The following JAG2 variants were observed in gnomAD, a reference collection of about 807,000 sequenced individuals.
JAG2 encodes protein jagged-2.
In JAG2, 46 loss-of-function variants were observed where a neutral mutation model predicts 141.7. The ratio of observed to expected loss-of-function variants is 0.32; its 90% CI spans 0.26 to 0.42. JAG2 has a LOEUF of 0.42. JAG2 is among the 10% of genes least tolerant of loss of function. The pLI is 1.00. For missense variants in JAG2, 1,500 were observed against 1,817.5 expected (o/e 0.83, Z 3.18); for synonymous variants, 862 against 763.5 (o/e 1.13, Z -2.13).
At chr14:105,143,227 T>C (rs1367397826) in intron 25 of JAG2, 57 bp from the exon 26 acceptor site, 1 of 1,540,498 alleles carries the variant, frequency 6.5e-7, no homozygotes, top group Non-Finnish European at 8.8e-7. Flanking sequence ...TGCGGGGCAC[T>C]AGCCACACAC....
At chr14:105,157,901 C>T in intron 2 of JAG2, 138 bp from the exon 3 acceptor site, 1 of 774,342 alleles carries the variant, frequency 1.3e-6, no homozygotes, top group South Asian at 1.5e-5. Flanking sequence ...AGGGACCCAC[C>T]ACCCTCCTCA....
chr14:105,163,199 C>A (rs1312855216), intron 2 of JAG2, among the ~76,000 whole-genome samples: 1 of 152,236 alleles, frequency 6.6e-6, no homozygotes, highest in Non-Finnish European at 1.5e-5. Context: ...TTTCCTGAAA[C>A]CTGAGCTTCT....
Position 105,146,614 on chromosome 14 carries a change from C to T in JAG2, c.2590G>A (p.Glu864Lys). ...AGGGCAATCACACGGGGCCTACCTT[C>T]CTGGCACCGGGGGCCGGCTCGGCCG... ...PPGRAGPRCQ[E>K]VIGFGRSCWS... is the part of the protein sequence containing the mutation. The change falls in exon 21 of 26, where the codon GAA becomes AAA. Residue 864 changes from glutamate to lysine, a missense_variant. Coordinates refer to ENST00000331782, the MANE Select transcript of JAG2 (RefSeq NM_002226.5). 6.2e-7 allele frequency: 1 copy of T among 1,612,234 alleles called. No individual in the cohort carries two copies.
At chr14:105,143,249 AG>A in intron 25 of JAG2, 79 bp from the exon 26 acceptor site, 1 of 1,497,506 alleles carries the variant, frequency 6.7e-7, no homozygotes. Context: ...CAGGCCTGGG[AG>A]GGCCCTGCGG....
At chr14:105,156,098 C>T in intron 3 of JAG2, 109 bp from the exon 4 acceptor site, 1 of 1,399,860 alleles carries the variant, frequency 7.1e-7, no homozygotes, top group Non-Finnish European at 9.7e-7. Flanking sequence ...AAGGCCGGGG[C>T]ACAGCAGGCA....
chr14:105,146,075 G>C, intron 22 of JAG2, 102 bp from the exon 23 acceptor site: 1 of 1,514,826 alleles, frequency 6.6e-7, no homozygotes, highest in Non-Finnish European at 8.9e-7. Flanking sequence ...CCATGCCAAG[G>C]AGGGACACCG....
At chr14:105,145,086 G>C (rs1566759256) in intron 23 of JAG2, 25 bp from the exon 24 acceptor site, 1 of 1,607,948 alleles carries the variant, frequency 6.2e-7, no homozygotes, top group Admixed American at 1.7e-5. Context: ...GCAGTGCGTG[G>C]GCAGGGCAGG....
rs754677092 is a variant in JAG2, at chr14:105,143,520, A to G, written c.3203T>C (p.Val1068Ala). The G allele has an allele frequency of 1.3e-6, 2 of 1,579,342 alleles. No individual in the cohort carries two copies. The highest frequency in any genetic ancestry group is 2.3e-5 in the South Asian group (2 of 86,390). The change falls in exon 25 of 26, where the codon GTC becomes GCC. Residue 1068 changes from valine to alanine, a missense_variant. By Grantham distance (64) the Val-to-Ala change is moderately conservative. Transcript: ENST00000331782. Reference sequence around the variant, plus strand: ...GCCCGTAACAACCGTCTCCACCTTGACCTCGGTGACAGCCAGGAGCAGTGA... The same window carrying G: ...GCCCGTAACAACCGTCTCCACCTTGGCCTCGGTGACAGCCAGGAGCAGTGA... Reference protein sequence around the residue: ...NSSLLLAVTEVKVETVVTGGS... With the variant: ...NSSLLLAVTEAKVETVVTGGS...
At position 105,145,979 on chromosome 14, in the gene JAG2, C is replaced by T; in HGVS notation, c.2710-6G>A. On this transcript the variant is annotated splice_region_variant and splice_polypyrimidine_tract_variant and intron_variant, in intron 22 of 25. Coordinates refer to ENST00000331782, the MANE Select transcript of JAG2 (RefSeq NM_002226.5). Reference sequence around the variant, plus strand: ...GGCTTCCATCCGCACCACACCTGGGCAGGCACGCACAGGAGGGTCAGGCGC... The same window carrying T: ...GGCTTCCATCCGCACCACACCTGGGTAGGCACGCACAGGAGGGTCAGGCGC... The T allele has an allele frequency of 6.3e-7, 1 of 1,592,144 alleles. No individual in the cohort carries two copies. Among genetic ancestry groups the T allele is most frequent in the Non-Finnish European group, 8.5e-7 (1 of 1,171,904 alleles).
In JAG2 at chr14:105,145,761, G is replaced by A. The variant is rs1422297643; in HGVS notation, c.2922C>T (p.Thr974=). 3 of 1,591,286 alleles carry A rather than the reference G, an allele frequency of 1.9e-6. No individual in the cohort carries two copies. Among genetic ancestry groups the A allele is most frequent in the Non-Finnish European group, 2.6e-6 (3 of 1,169,088 alleles). ...GCACGTGGTCACGGTTGAAATGCAAGGTGAGGCGGGCACAGTTATTGTCCA... is the reference window on the plus strand; with the variant it reads ...GCACGTGGTCACGGTTGAAATGCAAAGTGAGGCGGGCACAGTTATTGTCCA... ...GHLDNNCARL[T]LHFNRDHVPQ... is the part of the protein sequence containing the mutation. Residue 974 remains threonine (T), a synonymous_variant, in exon 23 of 26, where the codon ACC becomes ACT. Transcript: ENST00000331782.
chr14:105,147,940 T>C lies in JAG2; in HGVS notation c.2249-52A>G, dbSNP rs937449698. The C allele has an allele frequency of 4.3e-6, 6 of 1,394,794 alleles. No individual in the cohort carries two copies. The African/African-American group carries it at 5.7e-5, about 13-fold the overall frequency. The allele number at this position is 1,394,794 out of a possible 1,614,324, so 86.4% of individuals were successfully genotyped here. On this transcript the variant is annotated intron_variant, in intron 17 of 25. Transcript: ENST00000331782. ...GTCTCACCTGGCCCTGGGCTGGCCC[T>C]GGGTCTCCATACCGCGCCCCCAACC...
chr14:105,168,150 G>T (rs138903858), intron 1 of JAG2, 43 bp from the exon 2 acceptor site: 36,279 of 1,433,820 alleles, frequency 0.025, 525 homozygotes, highest in Middle Eastern at 0.046. Flanking sequence ...GCGCGGGCCG[G>T]GGTCGGCGGG....
chr14:105,142,753 T>A lies in JAG2; in HGVS notation c.3659A>T (p.Lys1220Ile), dbSNP rs781007229. 48 of 1,610,062 alleles carry A rather than the reference T, an allele frequency of 3.0e-5. No individual in the cohort carries two copies. Among genetic ancestry groups the A allele is most frequent in the Non-Finnish European group, 3.8e-5 (45 of 1,178,838 alleles). ...GCTCCTGACCGCGCGGTTGTCCACT[T>A]TGGGGCCTGAGGCCCAGTGGGCCGG... is the stretch of plus-strand genomic sequence containing the variant. The part of the protein sequence containing the change: ...GRPAHWASGP[K>I]VDNRAVRSIN... The change falls in exon 26 of 26, where the codon AAA (lysine) becomes ATA (isoleucine). Residue 1220 changes from lysine to isoleucine, a missense_variant. Lys to Ile is a moderately radical substitution (Grantham distance 102). Around this residue, in one of 3 missense-constraint regions of JAG2, gnomAD observed 425 missense variants for 441.0 expected, o/e 0.96. Coordinates refer to ENST00000331782, the MANE Select transcript of JAG2 (RefSeq NM_002226.5).
rs1013097192 is a variant in JAG2 at position 105,159,098 on chromosome 14, C to T, written c.418-1335G>A. Among the ~76,000 whole-genome samples, 3 of 151,970 alleles carry T rather than the reference C, an allele frequency of 2.0e-5. No homozygotes were observed. The East Asian group carries it at 5.8e-4, about 29-fold the overall frequency. On this transcript the variant is annotated intron_variant, in intron 2 of 25. Transcript: ENST00000331782. Reference sequence around the variant, plus strand: ...CCTCCCCTAACCAACGTGCTACCAGCCACACCCAGCCCAGCCTCCAGGACC... The same window carrying T: ...CCTCCCCTAACCAACGTGCTACCAGTCACACCCAGCCCAGCCTCCAGGACC...
At position 105,156,174 on chromosome 14, in the gene JAG2, C is replaced by G. The variant is rs370666265; in HGVS notation, c.476-185G>C. On this transcript the variant is annotated intron_variant, in intron 3 of 25. Transcript: ENST00000331782. ...GAAAGCTCAGGGCCCCGAGAGGCCT[C>G]TCCCTCCCGCCACCAAGCCTGCGCC... Among the ~76,000 whole-genome samples the G allele has an allele frequency of 7.5e-5, 11 of 146,480 alleles. No homozygotes were observed. In the East Asian group the frequency reaches 2.2e-3, roughly 29 times the overall value.
At position 105,142,800 on chromosome 14, in the gene JAG2, A is replaced by G; in HGVS notation, c.3612T>C (p.Asp1204=). The G allele has an allele frequency of 6.2e-7, 1 of 1,610,888 alleles. No individual in the cohort carries two copies. The highest frequency in any genetic ancestry group is 8.5e-7 in the Non-Finnish European group (1 of 1,179,052). Residue 1204 remains aspartate (D), a synonymous_variant, in exon 26 of 26, where the codon GAT becomes GAC. Coordinates refer to ENST00000331782, the MANE Select transcript of JAG2 (RefSeq NM_002226.5). ...EKFLSHKFTK[D]PGRSPGRPAH... Reference sequence around the variant, plus strand: ...CCGGCCTCCCCGGCGAGCGGCCAGGATCTTTGGTGAATTTGTGTGAGAGGA... The same window carrying G: ...CCGGCCTCCCCGGCGAGCGGCCAGGGTCTTTGGTGAATTTGTGTGAGAGGA...
At chr14:105,145,133 T>TGTGGGTACAC in intron 23 of JAG2, 72 bp from the exon 24 acceptor site, 1 of 1,587,918 alleles carries the variant, frequency 6.3e-7, no homozygotes, top group Non-Finnish European at 8.6e-7. Flanking sequence ...GGACTGGCGC[T>TGTGGGTACAC]GTGGGTACAC....
In JAG2 at chr14:105,150,880, A is replaced by G. The variant is rs1428729482; in HGVS notation, c.1413T>C (p.His471=). The G allele has an allele frequency of 1.9e-6, 3 of 1,589,576 alleles. No homozygotes were observed. The highest frequency in any genetic ancestry group is 1.3e-5 in the African/African-American group (1 of 74,370). ...CCCGCCTCACCTTGCAGGTGCCCCC[A>G]TGCTGACACTGCCCGCGACAGTCGT... ...NVNDCRGQCQ[H]GGTCKDLVNG... Residue 471 remains histidine, a synonymous_variant, in exon 11 of 26, where the codon CAT becomes CAC. Coordinates refer to ENST00000331782, the MANE Select transcript of JAG2 (RefSeq NM_002226.5).
Position 105,141,486 on chromosome 14 carries a change from T to C in JAG2, c.*1209A>G, listed in dbSNP as rs1888057824. ...TAGTCAGGGTCGGGTGCCAGGCACC[T>C]AGACACCCCCCTCCCCATTCCCAGG... On this transcript the variant is annotated 3_prime_UTR_variant, in exon 26 of 26. Transcript: ENST00000331782. 6.6e-6 allele frequency: 1 copy of C among 152,250 alleles called. No homozygotes were observed. The highest frequency in any genetic ancestry group is 2.1e-4 in the South Asian group (1 of 4,832). 9.4% of individuals were successfully genotyped at this position (152,250 alleles called of 1,614,324 possible). A position where few individuals can be genotyped will look rare whatever the true frequency, so the allele number is the denominator to read the frequency against.
Sources: gnomAD v4.1 joint callset for allele counts (sites outside exome capture counted in the v4.1 genomes callset) on GRCh38, gnomAD v4.1.1 for gene constraint, gnomAD v4.1.1 regional missense constraint, MANE v1.5 for transcripts, NCBI Gene and HGNC (gene_info 2026-07-23, HGNC 2026-07-21) for gene names.